Variants in SIDT1 observed in about 807,000 individuals in gnomAD.
SIDT1 encodes the protein SID1 transmembrane family member 1.
In SIDT1, 101 loss-of-function variants were observed where a neutral mutation model predicts 107.5. The ratio of observed to expected loss-of-function variants is 0.94; its 90% confidence interval spans 0.80 to 1.11. The LOEUF (loss-of-function observed/expected upper bound fraction) is 1.11, where lower values mean the gene tolerates loss of function less well. SIDT1 is among the 50% of genes least tolerant of loss of function. The pLI is 0.00. For synonymous variants in SIDT1, 395 were observed against 398.2 expected (o/e 0.99, Z 0.10); for missense variants, 1,076 against 1,058.2 (o/e 1.02, Z -0.23).
chr3:113,570,650 A>T (rs1175930885), intron 3 of SIDT1, among the ~76,000 whole-genome samples: 7 of 152,222 alleles, frequency 4.6e-5, no homozygotes, highest in Non-Finnish European at 1.0e-4. Context: ...CACTATTTAC[A>T]CACCAGCCTT....
At chr3:113,556,466 T>A (rs1940867597) in intron 1 of SIDT1, among the ~76,000 whole-genome samples, 3 of 152,198 alleles carry the variant, frequency 2.0e-5, no homozygotes, top group Admixed American at 2.0e-4. Flanking sequence ...CAACGGTCAC[T>A]GGACTCTCCT....
At chr3:113,592,893 CAT>C in intron 9 of SIDT1, 110 bp from the exon 10 acceptor site, 9 of 889,952 alleles carry the variant, frequency 1.0e-5, no homozygotes. Flanking sequence ...GCCCCAAAGA[CAT>C]GTTTTGAAGA....
chr3:113,599,471 CT>C (rs1295001265), intron 10 of SIDT1, among the ~76,000 whole-genome samples: 1 of 152,168 alleles, frequency 6.6e-6, no homozygotes, highest in Non-Finnish European at 1.5e-5. Context: ...ACCAATTGTT[CT>C]TGTTTGAAGG....
intron 1 of SIDT1, among the ~76,000 whole-genome samples, chr3:113,558,629 G>T (rs144950092): frequency 0.011 from 1,740 of 152,288 alleles, 12 homozygotes; most frequent in Middle Eastern, 0.02. Context: ...CCTGCATATA[G>T]GTAGGTATCC....
In SIDT1 at chr3:113,575,711, A is replaced by G. The variant is rs139907371; in HGVS notation, c.516-1211A>G. On this transcript the variant is annotated intron_variant, in intron 3 of 24. Transcript: ENST00000264852. ...TGCTCAAATTTTATGACTTCTAAAT[A>G]ACACCTCTATAATTATACACCTCTT... 5.3e-5 allele frequency among the ~76,000 whole-genome samples: 8 copies of G among 152,350 alleles called. No homozygotes were observed. In the East Asian group the frequency reaches 1.5e-3, roughly 29 times the overall value.
chr3:113,566,467 CT>C lies in SIDT1; in HGVS notation c.271del (p.Tyr91ThrfsTer35). The C allele has an allele frequency of 1.2e-6, 2 of 1,614,160 alleles. No individual in the cohort carries two copies. The highest frequency in any genetic ancestry group is 2.2e-5 in the South Asian group (2 of 91,078). On this transcript the variant is annotated frameshift_variant, in exon 2 of 25. Coordinates refer to ENST00000264852, the MANE Select transcript of SIDT1 (RefSeq NM_017699.3). LOFTEE classifies it high-confidence loss of function. ...TGAACAGTTCCTCTGAGAATCTCAA[CT>C]ACCCGGTCCTTGTTGTGGTTCGCCA... Reference protein sequence around the residue: ...YVNSSSENLNYPVLVVVRQQK... With the variant: ...YVNSSSENLNXPVLVVVRQQK...
downstream of SIDT1, among the ~76,000 whole-genome samples, chr3:113,633,222 A>T (rs1947104689): frequency 6.6e-6 from 1 of 152,118 alleles, no homozygotes; most frequent in African/African-American, 2.4e-5. Flanking sequence ...ACACAGAAAT[A>T]AAGTAATTAG....
chr3:113,553,125 G>A (rs999646570), intron 1 of SIDT1, among the ~76,000 whole-genome samples: 10 of 152,152 alleles, frequency 6.6e-5, no homozygotes, highest in Non-Finnish European at 1.3e-4. Flanking sequence ...AAGTGGCATA[G>A]ATCATCTCTG....
chr3:113,616,079 A>G (rs777429138), intron 19 of SIDT1, 21 bp from the exon 20 acceptor site: 15 of 1,580,070 alleles, frequency 9.5e-6, no homozygotes, highest in Non-Finnish European at 1.1e-5. Flanking sequence ...CCTTCTCACC[A>G]TGCATTTGTA....
rs1390817995 is a variant in SIDT1, at chr3:113,611,009, C to T, written c.1722C>T (p.Asp574=). Residue 574 remains aspartate (D), a splice_region_variant and synonymous_variant, in exon 18 of 25, where the codon GAC becomes GAT. Transcript: ENST00000264852. The part of the protein sequence containing the change: ...VCPNYSNFQF[D]TSFMYMIAGL... ...CTGGCTCCTCCTTTGGGTCCTCAGA[C>T]ACCTCCTTCATGTACATGATCGCTG... is the stretch of plus-strand genomic sequence containing the variant. 1.2e-6 allele frequency: 2 copies of T among 1,613,536 alleles called. No individual in the cohort carries two copies. The highest frequency in any genetic ancestry group is 1.7e-6 in the Non-Finnish European group (2 of 1,179,692).
At chr3:113,617,065 A>G (rs908092837) in intron 20 of SIDT1, among the ~76,000 whole-genome samples, 2 of 152,196 alleles carry the variant, frequency 1.3e-5, no homozygotes, top group Admixed American at 1.3e-4. Flanking sequence ...AAGACAGTGT[A>G]CCCTTATAAA....
chr3:113,593,897 G>C (rs1169805511), intron 10 of SIDT1, among the ~76,000 whole-genome samples: 1 of 152,164 alleles, frequency 6.6e-6, no homozygotes, highest in Non-Finnish European at 1.5e-5. Context: ...CCTCCACTCT[G>C]AGAGTTTGAA....
intron 1 of SIDT1, among the ~76,000 whole-genome samples, chr3:113,549,303 A>G (rs183969508): frequency 6.6e-6 from 1 of 152,296 alleles, no homozygotes; most frequent in East Asian, 1.9e-4. Context: ...TAGTAAGACT[A>G]TGTTTAGCTT....
intron 2 of SIDT1, among the ~76,000 whole-genome samples, chr3:113,566,810 T>C (rs986667279): frequency 1.3e-5 from 2 of 152,202 alleles, no homozygotes; most frequent in Non-Finnish European, 2.9e-5. Context: ...AGCTTTGGGG[T>C]ACTGGGTCAA....
At position 113,582,529 on chromosome 3, in the gene SIDT1, A is replaced by G. The variant is rs116117394; in HGVS notation, c.748-880A>G. 7.2e-3 allele frequency among the ~76,000 whole-genome samples: 1,101 copies of G among 152,306 alleles called. 9 individuals are homozygous for G. Among genetic ancestry groups the G allele is most frequent in the Non-Finnish European group, 0.012 (810 of 68,026 alleles). On this transcript the variant is annotated intron_variant, in intron 6 of 24. Transcript: ENST00000264852. ...GTCCCAAATAAAAGAGGACAGAAAA[A>G]TAACTATAGTAGGGAACTTCAAATT...
At chr3:113,567,932 ATC>A (rs920089735) in intron 3 of SIDT1, 1 of 451,910 alleles carries the variant, frequency 2.2e-6, no homozygotes, top group African/African-American at 2.0e-5. Context: ...TCACAGGTGA[ATC>A]TGTTTTCAGG....
intron 8 of SIDT1, 71 bp downstream of exon 8, chr3:113,584,840 C>A: frequency 1.9e-6 from 2 of 1,054,922 alleles, no homozygotes; most frequent in Non-Finnish European, 2.8e-6. Context: ...TTTGATATTA[C>A]TGTCATCCTT....
At chr3:113,621,095 G>T (rs1946433861) in intron 21 of SIDT1, among the ~76,000 whole-genome samples, 2 of 152,130 alleles carry the variant, frequency 1.3e-5, no homozygotes, top group South Asian at 4.1e-4. Context: ...ATTTTAAAAA[G>T]AATTACTTTC....
chr3:113,572,025 G>C (rs1485135860), intron 3 of SIDT1, among the ~76,000 whole-genome samples: 1 of 152,176 alleles, frequency 6.6e-6, no homozygotes, highest in Non-Finnish European at 1.5e-5. Flanking sequence ...ATGCAGAGAA[G>C]TTAGAAGGCT....
Sources: allele counts gnomAD v4.1 joint callset (sites outside exome capture counted in the v4.1 genomes callset), GRCh38; gene constraint gnomAD v4.1.1; transcripts MANE v1.5; gene names NCBI Gene and HGNC (gene_info 2026-07-23, HGNC 2026-07-21).